Variants in NUP93 observed in about 807,000 individuals in gnomAD.
NUP93 encodes nucleoporin 93, also known as nuclear pore complex protein Nup93.
NUP93 carries 55 observed loss-of-function variants against 107.8 expected under a neutral mutation model. That is an observed-to-expected ratio of 0.51 (90% confidence interval 0.41 to 0.64). The LOEUF is 0.64. NUP93 is among the 30% of genes least tolerant of loss of function. The pLI is 0.00. For missense variants in NUP93, 937 were observed against 1,044.7 expected (o/e 0.90, Z 1.42); for synonymous variants, 390 against 397.5 (o/e 0.98, Z 0.22).
intron 2 of NUP93, among the ~76,000 whole-genome samples, chr16:56,752,845 C>G (rs1210590675): frequency 1.3e-5 from 2 of 152,104 alleles, no homozygotes; most frequent in Non-Finnish European, 2.9e-5. Flanking sequence ...GATAAATAAA[C>G]CCATGTGTCT....
intron 3 of NUP93, among the ~76,000 whole-genome samples, chr16:56,797,318 G>C (rs1962922625): frequency 6.6e-6 from 1 of 152,180 alleles, no homozygotes; most frequent in Non-Finnish European, 1.5e-5. Flanking sequence ...TGGAGTATAG[G>C]TGGATCTGAT....
intron 1 of NUP93, among the ~76,000 whole-genome samples, chr16:56,747,241 C>G (rs1292041254): frequency 1.3e-5 from 2 of 152,228 alleles, no homozygotes; most frequent in African/African-American, 2.4e-5. Context: ...CTCAGGCGAT[C>G]TGCCCGCCTC....
intron 3 of NUP93, among the ~76,000 whole-genome samples, chr16:56,762,545 G>A (rs1962145339): frequency 6.6e-6 from 1 of 152,152 alleles, no homozygotes; most frequent in Non-Finnish European, 1.5e-5. Context: ...AGTATCACAT[G>A]TACAACATGA....
At chr16:56,750,939 G>A (rs187559404) in intron 2 of NUP93, among the ~76,000 whole-genome samples, 71 of 152,102 alleles carry the variant, frequency 4.7e-4, no homozygotes, top group Admixed American at 4.0e-3. Flanking sequence ...CAGATGAATC[G>A]CTTGAACTCA....
intron 20 of NUP93, 120 bp from the exon 21 acceptor site, chr16:56,841,585 C>T (rs1433753116): frequency 2.4e-6 from 3 of 1,255,260 alleles, no homozygotes; most frequent in South Asian, 1.5e-5. Flanking sequence ...TGGCTCTCCA[C>T]CTGGCAATGG....
intron 6 of NUP93, among the ~76,000 whole-genome samples, chr16:56,819,969 C>T (rs1963510096): frequency 6.6e-6 from 1 of 152,108 alleles, no homozygotes; most frequent in Admixed American, 6.6e-5. Flanking sequence ...CAATTTTATA[C>T]CTCTCTCTTT....
chr16:56,777,021 CGT>C (rs142691435), intron 3 of NUP93, among the ~76,000 whole-genome samples: 6 of 151,838 alleles, frequency 4.0e-5, no homozygotes, highest in Admixed American at 1.3e-4. Flanking sequence ...AGAGAGTGAG[CGT>C]GTGTGTGTGT....
intron 7 of NUP93, 55 bp downstream of exon 7, chr16:56,821,648 T>C (rs1206909121): frequency 1.7e-6 from 2 of 1,158,090 alleles, no homozygotes; most frequent in African/African-American, 1.5e-5. Flanking sequence ...CCGATGGGCC[T>C]AGCAACTTGC....
At chr16:56,785,990 C>T (rs1962618388) in intron 3 of NUP93, among the ~76,000 whole-genome samples, 1 of 152,108 alleles carries the variant, frequency 6.6e-6, no homozygotes, top group South Asian at 2.1e-4. Flanking sequence ...TTTTAGAAAA[C>T]AAAAGACAGT....
intron 1 of NUP93, among the ~76,000 whole-genome samples, chr16:56,745,564 A>G (rs1312149548): frequency 2.0e-5 from 3 of 152,196 alleles, no homozygotes; most frequent in Non-Finnish European, 4.4e-5. Flanking sequence ...GTGTCTAGGT[A>G]GAGATGGCAA....
intron 5 of NUP93, 69 bp from the exon 6 acceptor site, chr16:56,818,595 A>T: frequency 5.1e-6 from 6 of 1,187,300 alleles, no homozygotes; most frequent in Non-Finnish European, 1.2e-6. Context: ...TATGTTTATG[A>T]TGTGATTTGA....
At chr16:56,758,062 C>T (rs1962057643) in intron 2 of NUP93, among the ~76,000 whole-genome samples, 1 of 141,258 alleles carries the variant, frequency 7.1e-6, no homozygotes, top group African/African-American at 2.7e-5. Flanking sequence ...CAGAGTGACA[C>T]TCTGTCTCAG....
Position 56,818,740 on chromosome 16 carries a change from T to C in NUP93, c.564+2T>C. On this transcript the variant is annotated splice_donor_variant, in intron 6 of 21. Coordinates refer to ENST00000308159, the MANE Select transcript of NUP93 (RefSeq NM_014669.5). LOFTEE classifies it high-confidence loss of function. ...ATCGAGATGGCCTATGCGCGGCAAG[T>C]GAGTGTGATTTTAAGGGGGATTAAG... 6.2e-7 allele frequency: 1 copy of C among 1,613,226 alleles called. No individual in the cohort carries two copies. The highest frequency in any genetic ancestry group is 8.5e-7 in the Non-Finnish European group (1 of 1,179,258).
intron 1 of NUP93, among the ~76,000 whole-genome samples, chr16:56,735,150 G>A (rs1230735354): frequency 2.0e-5 from 3 of 152,230 alleles, no homozygotes; most frequent in African/African-American, 7.2e-5. Flanking sequence ...TGTGTATTGA[G>A]GAAGACCATT....
chr16:56,834,860 A>G, intron 16 of NUP93, 82 bp downstream of exon 16: 1 of 1,156,886 alleles, frequency 8.6e-7, no homozygotes, highest in Non-Finnish European at 1.3e-6. Context: ...AGATTTTAAG[A>G]TTCAAGGTAC....
In NUP93 at chr16:56,844,680, G is replaced by A; in HGVS notation, c.*71G>A. On this transcript the variant is annotated 3_prime_UTR_variant, in exon 22 of 22. Coordinates refer to ENST00000308159, the MANE Select transcript of NUP93 (RefSeq NM_014669.5). Reference sequence around the variant, plus strand: ...CAGGCACATGGGCCCACTAGGCTGGGGTTTCTGGTTTTGTTTCTGTTGTGT... The same window carrying A: ...CAGGCACATGGGCCCACTAGGCTGGAGTTTCTGGTTTTGTTTCTGTTGTGT... 1.1e-6 allele frequency: 1 copy of A among 873,658 alleles called. No individual in the cohort carries two copies. Among genetic ancestry groups the A allele is most frequent in the Non-Finnish European group, 1.7e-6 (1 of 592,046 alleles). The allele number at this position is 873,658 out of a possible 1,614,324, so 54.1% of individuals were successfully genotyped here. A position where few individuals can be genotyped will look rare whatever the true frequency, so the allele number is the denominator to read the frequency against.
intron 3 of NUP93, among the ~76,000 whole-genome samples, chr16:56,783,134 A>T (rs1383191152): frequency 6.6e-6 from 1 of 152,242 alleles, no homozygotes; most frequent in African/African-American, 2.4e-5. Context: ...CTTCTCTTAA[A>T]AGCAACAACA....
At chr16:56,796,386 T>C (rs1962898155) in intron 3 of NUP93, among the ~76,000 whole-genome samples, 1 of 152,198 alleles carries the variant, frequency 6.6e-6, no homozygotes, top group Admixed American at 6.5e-5. Context: ...AGTTAAACCA[T>C]ATGCAGCTTG....
At position 56,807,480 on chromosome 16, in the gene NUP93, G is replaced by T. The variant is rs1386331657; in HGVS notation, c.489+1848G>T. ...TAGAATGTAAGCTTATTGAAGATAAGGATCTTTGTTTTGTTTATTCCTTTA... is the reference window on the plus strand; with the variant it reads ...TAGAATGTAAGCTTATTGAAGATAATGATCTTTGTTTTGTTTATTCCTTTA... On this transcript the variant is annotated intron_variant, in intron 5 of 21. Transcript: ENST00000308159. 2.0e-5 allele frequency among the ~76,000 whole-genome samples: 3 copies of T among 152,150 alleles called. No individual in the cohort carries two copies. In the East Asian group the frequency reaches 5.8e-4, roughly 29 times the overall value.
Sources: gnomAD v4.1 joint callset for allele counts (sites outside exome capture counted in the v4.1 genomes callset) on GRCh38, gnomAD v4.1.1 for gene constraint, MANE v1.5 for transcripts, NCBI Gene and HGNC (gene_info 2026-07-23, HGNC 2026-07-21) for gene names.